DET1: variants seen among roughly 807,000 people sequenced by gnomAD.
The protein encoded by DET1 is DET1 homolog.
DET1 carries 22 observed loss-of-function variants against 43.7 expected under a neutral mutation model. The ratio of observed to expected loss-of-function variants is 0.50; its 90% CI spans 0.36 to 0.72. The LOEUF is 0.72. Ranked by LOEUF, DET1 falls within the 30% of genes least tolerant of loss-of-function variation. The pLI is 0.00. For synonymous variants in DET1, 315 were observed against 266.2 expected (o/e 1.18, Z -1.79); for missense variants, 713 against 713.3 (o/e 1.00, Z 0.00).
chr15:88,523,747 CTT>C (rs2056571425), intron 3 of DET1, among the ~76,000 whole-genome samples: 2 of 152,228 alleles, frequency 1.3e-5, no homozygotes, highest in Non-Finnish European at 2.9e-5. Context: ...AGTGCTCAAT[CTT>C]GCCCAGGCTG....
chr15:88,504,967 G>T lies in DET1; in HGVS notation c.*2066-980C>A, dbSNP rs1030968. 3 of 152,026 alleles carry T rather than the reference G, an allele frequency of 2.0e-5. No individual in the cohort carries two copies. The highest frequency in any genetic ancestry group is 3.2e-3 in the Middle Eastern group (1 of 312). The allele number at this position is 152,026 out of a possible 1,614,324, so 9.4% of individuals were successfully genotyped here. On this transcript the variant is annotated intron_variant and NMD_transcript_variant, in intron 7 of 8. Transcript: ENST00000557842. This position sits in a 1 kb window ranked among gnomAD's most constrained non-coding sequence, Gnocchi z 4.7. ...TTTCTTTCTTCATGACAGTCATTTCGCGTGTGCCTTCCCATAGTTGATTAA... is the reference window on the plus strand; with the variant it reads ...TTTCTTTCTTCATGACAGTCATTTCTCGTGTGCCTTCCCATAGTTGATTAA...
intron 2 of DET1, among the ~76,000 whole-genome samples, chr15:88,529,552 G>A (rs1450451238): frequency 6.6e-6 from 1 of 152,152 alleles, no homozygotes; most frequent in Non-Finnish European, 1.5e-5. Flanking sequence ...CTACAATTCA[G>A]AAGGAAAATG....
chr15:88,537,736 G>C (rs2056990504), intron 1 of DET1, among the ~76,000 whole-genome samples: 1 of 152,156 alleles, frequency 6.6e-6, no homozygotes, highest in South Asian at 2.1e-4. Flanking sequence ...CACTGGACCT[G>C]TCTAACGGGA....
downstream of DET1, among the ~76,000 whole-genome samples, chr15:88,510,023 C>T (rs1018800959): frequency 5.3e-5 from 8 of 152,214 alleles, no homozygotes; most frequent in African/African-American, 1.7e-4. Context: ...AAACTCCTCT[C>T]TTGTTTAATC....
chr15:88,530,407 A>G (rs542929050), intron 2 of DET1, among the ~76,000 whole-genome samples: 2 of 152,318 alleles, frequency 1.3e-5, no homozygotes, highest in South Asian at 4.1e-4. Context: ...AGAGGTGACT[A>G]TCTTCCTGTC....
chr15:88,542,556 G>A (rs1388445177), intron 1 of DET1, among the ~76,000 whole-genome samples: 1 of 152,168 alleles, frequency 6.6e-6, no homozygotes, highest in African/African-American at 2.4e-5. Context: ...TGGACATTAA[G>A]AGAAAGCTCC....
rs568035285 is a variant in DET1, at chr15:88,527,715, C to T, written c.1155G>A (p.Glu385=). The change falls in exon 3 of 5, where the codon GAG becomes GAA. Residue 385 remains glutamate (E), a synonymous_variant. Coordinates refer to ENST00000268148, the MANE Select transcript of DET1 (RefSeq NM_001144074.3). ...VIAVFENTSD[E]LLELFENFCD... The stretch of plus-strand genomic sequence containing the variant: ...AGAAGTTCTCAAAGAGCTCCAAAAG[C>T]TCATCTGATGTATTCTCAAACACAG... 9.8e-5 allele frequency: 158 copies of T among 1,613,844 alleles called. 1 individual carries two copies. In the South Asian group the frequency reaches 1.6e-3, roughly 16 times the overall value.
At position 88,530,712 on chromosome 15, in the gene DET1, A is replaced by C. The variant is rs1279889344; in HGVS notation, c.994T>G (p.Trp332Gly). 1 of 1,613,884 alleles carries C rather than the reference A, an allele frequency of 6.2e-7. No individual in the cohort carries two copies. The highest frequency in any genetic ancestry group is 2.2e-5 in the East Asian group (1 of 44,898). Reference protein sequence around the residue: ...YFDQLRQLRMWKMQLLDENHL... With the variant: ...YFDQLRQLRMGKMQLLDENHL... Reference sequence around the variant, plus strand: ...TTTTCATCCAGAAGCTGCATTTTCCACATTCGCAGCTGCCGCAGTTGGTCA... The same window carrying C: ...TTTTCATCCAGAAGCTGCATTTTCCCCATTCGCAGCTGCCGCAGTTGGTCA... Residue 332 changes from tryptophan to glycine, a missense_variant, in exon 2 of 5, where the codon TGG becomes GGG. Physicochemically the swap from Trp to Gly is radical, Grantham distance 184 (BLOSUM62 -2). Coordinates refer to ENST00000268148, the MANE Select transcript of DET1 (RefSeq NM_001144074.3).
chr15:88,542,601 T>C (rs2057139321), intron 1 of DET1, among the ~76,000 whole-genome samples: 1 of 152,104 alleles, frequency 6.6e-6, no homozygotes, highest in Non-Finnish European at 1.5e-5. Context: ...TAAATAACAG[T>C]CAGCTTTTAG....
rs779442623 is a variant in DET1 at position 88,527,725 on chromosome 15, G to A, written c.1145C>T (p.Thr382Ile). Residue 382 changes from threonine (T) to isoleucine (I), a missense_variant, in exon 3 of 5, where the codon ACA becomes ATA. Transcript: ENST00000268148. ...TTEVIAVFEN[T>I]SDELLELFEN... Reference sequence around the variant, plus strand: ...AAAGAGCTCCAAAAGCTCATCTGATGTATTCTCAAACACAGCAATCACCTC... The same window carrying A: ...AAAGAGCTCCAAAAGCTCATCTGATATATTCTCAAACACAGCAATCACCTC... 2 of 1,613,824 alleles carry A rather than the reference G, an allele frequency of 1.2e-6. No individual in the cohort carries two copies. The highest frequency in any genetic ancestry group is 2.2e-5 in the East Asian group (1 of 44,886).
intron 1 of DET1, among the ~76,000 whole-genome samples, chr15:88,533,176 A>G (rs1377537995): frequency 1.3e-5 from 2 of 152,250 alleles, no homozygotes; most frequent in Non-Finnish European, 2.9e-5. Context: ...AGCATATGAA[A>G]AGATAGATGC....
At chr15:88,532,684 A>G (rs922053433) in intron 1 of DET1, among the ~76,000 whole-genome samples, 2 of 152,346 alleles carry the variant, frequency 1.3e-5, no homozygotes, top group East Asian at 1.9e-4. Flanking sequence ...CTACTACTCA[A>G]TAGAAAAAGG....
Position 88,504,342 on chromosome 15 carries a change from G to T in DET1, c.*2066-355C>A, listed in dbSNP as rs2056117211. 1 of 152,046 alleles carries T rather than the reference G, an allele frequency of 6.6e-6. No homozygotes were observed. The highest frequency in any genetic ancestry group is 2.1e-4 in the South Asian group (1 of 4,822). 9.4% of individuals were successfully genotyped at this position (152,046 alleles called of 1,614,324 possible). A position where few individuals can be genotyped will look rare whatever the true frequency, so the allele number is the denominator to read the frequency against. ...ATCATCACTTCTACTGTGTTTTATTGGTCATGCCAATCAACCATGATACGA... is the reference window on the plus strand; with the variant it reads ...ATCATCACTTCTACTGTGTTTTATTTGTCATGCCAATCAACCATGATACGA... On this transcript the variant is annotated intron_variant and NMD_transcript_variant, in intron 7 of 8. Coordinates refer to the DET1 transcript ENST00000557842. The surrounding 1 kb of genome is among the most constrained non-coding windows in gnomAD (Gnocchi z 4.7).
chr15:88,504,945 C>A lies in DET1; in HGVS notation c.*2066-958G>T, dbSNP rs1276470871. 1 of 152,212 alleles carries A rather than the reference C, an allele frequency of 6.6e-6. No individual in the cohort carries two copies. The allele number at this position is 152,212 out of a possible 1,614,324, so 9.4% of individuals were successfully genotyped here. On this transcript the variant is annotated intron_variant and NMD_transcript_variant, in intron 7 of 8. Coordinates refer to the DET1 transcript ENST00000557842. The surrounding 1 kb of genome is among the most constrained non-coding windows in gnomAD (Gnocchi z 4.7). ...AGGGACCTATGCGTATAACAAATTTCTTTCTTCATGACAGTCATTTCGCGT... is the reference window on the plus strand; with the variant it reads ...AGGGACCTATGCGTATAACAAATTTATTTCTTCATGACAGTCATTTCGCGT...
In DET1 at chr15:88,517,427, T is replaced by C. The variant is rs571595702; in HGVS notation, c.1272-454A>G. 3.7e-4 allele frequency among the ~76,000 whole-genome samples: 56 copies of C among 152,070 alleles called. 1 individual carries two copies. Among genetic ancestry groups the C allele is most frequent in the African/African-American group, 1.4e-3 (56 of 41,458 alleles). On this transcript the variant is annotated intron_variant, in intron 3 of 4. Transcript: ENST00000268148. Reference sequence around the variant, plus strand: ...TTTTTATAGAGATGGGATTTTGCCATGTTGCTCAGGCTGGTCTTGAACTCC... The same window carrying C: ...TTTTTATAGAGATGGGATTTTGCCACGTTGCTCAGGCTGGTCTTGAACTCC...
intron 1 of DET1, among the ~76,000 whole-genome samples, chr15:88,539,206 A>G (rs1205831606): frequency 6.6e-6 from 1 of 152,142 alleles, no homozygotes; most frequent in African/African-American, 2.4e-5. Flanking sequence ...GTGGGAGGAC[A>G]AAGGCTTGCA....
intron 3 of DET1, among the ~76,000 whole-genome samples, chr15:88,524,746 G>A (rs1291235032): frequency 6.6e-6 from 1 of 152,104 alleles, no homozygotes; most frequent in Non-Finnish European, 1.5e-5. Context: ...GATGCTTGAA[G>A]GCAGCATGCT....
intron 1 of DET1, among the ~76,000 whole-genome samples, chr15:88,532,917 G>C (rs572005388): frequency 6.6e-6 from 1 of 152,094 alleles, no homozygotes; most frequent in African/African-American, 2.4e-5. Flanking sequence ...AGGCATAGGC[G>C]ACCAAGACAA....
intron 1 of DET1, among the ~76,000 whole-genome samples, chr15:88,541,462 C>G (rs2057104489): frequency 1.3e-5 from 2 of 151,916 alleles, no homozygotes; most frequent in Admixed American, 6.6e-5. Flanking sequence ...TTTTCCAAAT[C>G]TCTCGTCCCA....
Sources: gnomAD v4.1 joint callset for allele counts (sites outside exome capture counted in the v4.1 genomes callset) on GRCh38, gnomAD v4.1.1 for gene constraint, Gnocchi (gnomAD v3.1) non-coding constraint, MANE v1.5 for transcripts, NCBI Gene and HGNC (gene_info 2026-07-23, HGNC 2026-07-21) for gene names.